MINK1: variants seen among roughly 807,000 people sequenced by gnomAD.
The protein encoded by MINK1 is misshapen like kinase 1.
In MINK1, 46 loss-of-function variants were observed where a neutral mutation model predicts 178.4. The ratio of observed to expected loss-of-function variants is 0.26; its 90% CI spans 0.20 to 0.33. The LOEUF (loss-of-function observed/expected upper bound fraction) is 0.33. MINK1 is among the 10% of genes least tolerant of loss of function. MINK1 has a pLI of 1.00. For synonymous variants in MINK1, 797 were observed against 709.7 expected, an observed-to-expected ratio of 1.12 and a Z score of -1.96; for missense variants, 1,366 against 1,814.9, an observed-to-expected ratio of 0.75 and a Z score of 4.49.
In MINK1 at chr17:4,891,451, T is replaced by C; in HGVS notation, c.1741-5T>C. 6.4e-7 allele frequency: 1 copy of C among 1,562,852 alleles called. No homozygotes were observed. The highest frequency in any genetic ancestry group is 8.7e-7 in the Non-Finnish European group (1 of 1,148,816). ...CAGCCCACCCTCCCTGGTCTCTCCC[T>C]GCAGAGCCTGGTGGCACACCGGGTC... On this transcript the variant is annotated splice_polypyrimidine_tract_variant and splice_region_variant and intron_variant, in intron 15 of 31. Coordinates refer to ENST00000355280, the MANE Select transcript of MINK1 (RefSeq NM_153827.5).
rs754427260 is a variant in MINK1, at chr17:4,890,964, C to T, written c.1580C>T (p.Thr527Ile). ...TTCACATCACAGGTAGAAGAGAGAA[C>T]AAGGATGAACAAGCAGCAGAACTCT... The part of the protein sequence containing the change: ...PAWAREVEER[T>I]RMNKQQNSPL... The change falls in exon 15 of 32, where the codon ACA (threonine) becomes ATA (isoleucine). Residue 527 changes from threonine (T) to isoleucine (I), a missense_variant. Physicochemically the swap from Thr to Ile is moderately conservative, Grantham distance 89. Around this residue, in one of 14 missense-constraint regions of MINK1, gnomAD observed 709 missense variants for 692.3 expected, o/e 1.02. Transcript: ENST00000355280. The T allele has an allele frequency of 9.0e-6, 14 of 1,556,332 alleles. No homozygotes were observed. The African/African-American group carries it at 1.4e-4, about 15-fold the overall frequency.
At chr17:4,839,695 G>C (rs1319163182) in intron 1 of MINK1, among the ~76,000 whole-genome samples, 1 of 152,090 alleles carries the variant, frequency 6.6e-6, no homozygotes, top group Non-Finnish European at 1.5e-5. Context: ...GGGTTTTGAG[G>C]CTCTTTGTTC....
chr17:4,885,364 G>A lies in MINK1; in HGVS notation c.509-119G>A, dbSNP rs796602483. ...GTGGGGTAAAGGAGGGTGCTGGGGT[G>A]TCTGGGTCGGGCCAGGACCACAGCT... On this transcript the variant is annotated intron_variant, in intron 6 of 31. Coordinates refer to ENST00000355280, the MANE Select transcript of MINK1 (RefSeq NM_153827.5). This position sits in a 1 kb window ranked among gnomAD's most constrained non-coding sequence, Gnocchi z 5.0. The A allele has an allele frequency of 8.1e-6, 11 of 1,357,418 alleles. No individual in the cohort carries two copies. The highest frequency in any genetic ancestry group is 8.2e-6 in the Non-Finnish European group (8 of 979,198). The allele number at this position is 1,357,418 out of a possible 1,614,324, so 84.1% of individuals were successfully genotyped here. A position where few individuals can be genotyped will look rare whatever the true frequency, so the allele number is the denominator to read the frequency against.
chr17:4,889,114 G>A (rs1278765756), intron 12 of MINK1, among the ~76,000 whole-genome samples: 1 of 152,106 alleles, frequency 6.6e-6, no homozygotes, highest in Non-Finnish European at 1.5e-5. Flanking sequence ...TGCTTTTGTT[G>A]GTGGTGGTGG....
At chr17:4,853,622 C>T (rs762193269) in intron 1 of MINK1, among the ~76,000 whole-genome samples, 1 of 152,012 alleles carries the variant, frequency 6.6e-6, no homozygotes, top group African/African-American at 2.4e-5. Flanking sequence ...AGCTTCCCTG[C>T]AGGTTTAAGT....
chr17:4,892,883 G>T, intron 19 of MINK1, 96 bp from the exon 20 acceptor site: 1 of 1,391,958 alleles, frequency 7.2e-7, no homozygotes, highest in Non-Finnish European at 9.9e-7. Context: ...ACCTGTGTGG[G>T]TATGGAACTT....
In MINK1 at chr17:4,836,270, T is replaced by G. The variant is rs994085044; in HGVS notation, c.57+2630T>G. On this transcript the variant is annotated intron_variant, in intron 1 of 31. Transcript: ENST00000355280. This position sits in a 1 kb window ranked among gnomAD's most constrained non-coding sequence, Gnocchi z 4.3. ...GCCCAAGGTGTATTTCTCCTCTTGT[T>G]TCAAGATAAGGCTTGGTTTTCAGCT... Among the ~76,000 whole-genome samples, 7 of 152,212 alleles carry G rather than the reference T, an allele frequency of 4.6e-5. No homozygotes were observed. The highest frequency in any genetic ancestry group is 1.3e-4 in the Admixed American group (2 of 15,272).
intron 4 of MINK1, 147 bp from the exon 5 acceptor site, chr17:4,884,216 C>A (rs1967991132): frequency 1.6e-6 from 1 of 626,264 alleles, no homozygotes; most frequent in African/African-American, 1.9e-5. Context: ...CTTTGTGAGG[C>A]TTCTGTGGCC....
Position 4,894,036 on chromosome 17 carries a change from C to G in MINK1, c.2613C>G (p.Val871=), listed in dbSNP as rs758594801. ...TCAGCACCATGGTGGTCCACGACGT[C>G]GAGGAGATCACCGGGACCCAGCCCC... ...DSVSTMVVHD[V]EEITGTQPPY... The change falls in exon 22 of 32, where the codon GTC becomes GTG. Residue 871 remains valine, a synonymous_variant. Coordinates refer to ENST00000355280, the MANE Select transcript of MINK1 (RefSeq NM_153827.5). This position sits in a 1 kb window ranked among gnomAD's most constrained non-coding sequence, Gnocchi z 4.1. 22 of 1,590,888 alleles carry G rather than the reference C, an allele frequency of 1.4e-5. No homozygotes were observed. The highest frequency in any genetic ancestry group is 1.8e-5 in the Non-Finnish European group (21 of 1,168,074).
At chr17:4,841,022 A>C (rs185046400) in intron 1 of MINK1, among the ~76,000 whole-genome samples, 148 of 152,270 alleles carry the variant, frequency 9.7e-4, no homozygotes, top group African/African-American at 3.3e-3. Flanking sequence ...GGGAGGAGAC[A>C]GGAAGACCTT....
At chr17:4,891,848 C>G in intron 16 of MINK1, 132 bp downstream of exon 16, 1 of 1,289,938 alleles carries the variant, frequency 7.8e-7, no homozygotes, top group Non-Finnish European at 1.0e-6. Flanking sequence ...CGCTGCCCTG[C>G]CGGGGTCAGC....
In MINK1 at chr17:4,881,080, G is replaced by A. The variant is rs375228893; in HGVS notation, c.180+40G>A. The A allele has an allele frequency of 3.9e-4, 593 of 1,536,082 alleles. 1 individual carries two copies. The African/African-American group carries it at 4.9e-3, about 13-fold the overall frequency. ...TGGGCAGTGGGAGGGTCGGACCAGC[G>A]AGAAGGGAGTGTTGGGGGAGTCTCA... On this transcript the variant is annotated intron_variant, in intron 3 of 31. Coordinates refer to ENST00000355280, the MANE Select transcript of MINK1 (RefSeq NM_153827.5).
At chr17:4,891,776 G>C in intron 16 of MINK1, 60 bp downstream of exon 16, 2 of 1,523,366 alleles carry the variant, frequency 1.3e-6, no homozygotes, top group Non-Finnish European at 1.8e-6. Flanking sequence ...GAGAAGGAGG[G>C]CAGTGAAGGG....
At chr17:4,891,434 C>T (rs763501220) in intron 15 of MINK1, 22 bp from the exon 16 acceptor site, 9 of 1,529,734 alleles carry the variant, frequency 5.9e-6, no homozygotes, top group Admixed American at 2.0e-5. Flanking sequence ...GGCAGCCCAC[C>T]CTCCCTGGTC....
At chr17:4,840,030 G>C (rs887382925) in intron 1 of MINK1, among the ~76,000 whole-genome samples, 2 of 151,588 alleles carry the variant, frequency 1.3e-5, no homozygotes, top group Non-Finnish European at 2.9e-5. Context: ...TTAACATGCC[G>C]TGGGCACATA....
chr17:4,878,084 A>G (rs553946454), intron 1 of MINK1, among the ~76,000 whole-genome samples: 1 of 152,250 alleles, frequency 6.6e-6, no homozygotes, highest in East Asian at 1.9e-4. Context: ...TGCTGGGATT[A>G]CAGGCGTGAG....
Position 4,896,969 on chromosome 17 carries a change from G to GCTC in MINK1, c.3915+158_3915+160dup. The GCTC allele has an allele frequency of 9.1e-7, 1 of 1,099,442 alleles. No individual in the cohort carries two copies. The highest frequency in any genetic ancestry group is 1.3e-6 in the Non-Finnish European group (1 of 783,420). 68.1% of individuals were successfully genotyped at this position (1,099,442 alleles called of 1,614,324 possible). ...CAGTCAGCCACTACCACTGCCCTGC[G>GCTC]CTCCCTTCAGATTCCGAGGACTTCC... On this transcript the variant is annotated intron_variant, in intron 31 of 31. Coordinates refer to ENST00000355280, the MANE Select transcript of MINK1 (RefSeq NM_153827.5). The surrounding 1 kb of genome is among the most constrained non-coding windows in gnomAD (Gnocchi z 4.6).
At chr17:4,848,397 A>G (rs971667546) in intron 1 of MINK1, among the ~76,000 whole-genome samples, 7 of 152,022 alleles carry the variant, frequency 4.6e-5, no homozygotes, top group Non-Finnish European at 8.8e-5. Context: ...GTCTCACTCT[A>G]TCGCCCAGGC....
At chr17:4,854,823 C>T (rs1244527675) in intron 1 of MINK1, 1 of 475,268 alleles carries the variant, frequency 2.1e-6, no homozygotes, top group South Asian at 1.5e-5. Context: ...GGTTGAGTTC[C>T]ACAGTGTGAG....
Sources: gnomAD v4.1 joint callset for allele counts (sites outside exome capture counted in the v4.1 genomes callset) on GRCh38, gnomAD v4.1.1 for gene constraint, gnomAD v4.1.1 regional missense constraint, Gnocchi (gnomAD v3.1) non-coding constraint, MANE v1.5 for transcripts, NCBI Gene and HGNC (gene_info 2026-07-23, HGNC 2026-07-21) for gene names.